The following SLC11A2 variants were observed in gnomAD, a reference collection of about 807,000 sequenced individuals.
SLC11A2 encodes the protein solute carrier family 11 member 2.
A neutral mutation model predicts 68.0 loss-of-function variants in SLC11A2; 38 were observed. The ratio of observed to expected loss-of-function variants is 0.56; its 90% CI spans 0.43 to 0.73. SLC11A2 has a LOEUF of 0.73. Ranked by LOEUF, SLC11A2 falls within the 30% of genes least tolerant of loss-of-function variation. The probability of loss-of-function intolerance (pLI) is 0.00; values close to 1 mark genes in which losing one functional copy is unlikely to be tolerated. For missense variants in SLC11A2, 517 were observed against 690.5 expected (o/e 0.75, Z 2.82); for synonymous variants, 242 against 250.6 (o/e 0.97, Z 0.32).
chr12:50,981,557 T>C, downstream of SLC11A2: 1 of 594,512 alleles, frequency 1.7e-6, no homozygotes, highest in African/African-American at 1.8e-5. Flanking sequence ...GTCTCTGACC[T>C]ACATTTATAG....
chr12:50,995,156 C>T (rs1161693162), intron 10 of SLC11A2: 1 of 236,612 alleles, frequency 4.2e-6, no homozygotes, highest in Non-Finnish European at 8.3e-6. Context: ...ACTAAAATTA[C>T]AAAAAATTAG....
At chr12:50,991,066 TG>T in intron 14 of SLC11A2, 118 bp from the exon 15 acceptor site, 1 of 908,042 alleles carries the variant, frequency 1.1e-6, no homozygotes, top group Non-Finnish European at 1.8e-6. Flanking sequence ...GTTCTTAATT[TG>T]AAAAAAAATG....
In SLC11A2 at chr12:50,996,902, C is replaced by G; in HGVS notation, c.746G>C (p.Arg249Pro). 6.2e-7 allele frequency: 1 copy of G among 1,613,928 alleles called. No individual in the cohort carries two copies. The highest frequency in any genetic ancestry group is 8.5e-7 in the Non-Finnish European group (1 of 1,179,908). The change falls in exon 9 of 16, where the codon CGC (arginine) becomes CCC (proline). Residue 249 changes from arginine (R) to proline (P), a missense_variant. Arg to Pro is a moderately radical substitution (Grantham distance 103). Transcript: ENST00000262052. ...CACAGCCTGTTCAATCTGTGGAGTG[C>G]GACAGCCTGAACAGGATGGTACGAA... ...GMFVPSCSGC[R>P]TPQIEQAVGI...
the SLC11A2 span, among the ~76,000 whole-genome samples, chr12:50,965,291 T>A: frequency 6.6e-6 from 1 of 151,122 alleles, no homozygotes. Context: ...TTTTTAATTT[T>A]TTTTTTTTTT....
intron 11 of SLC11A2, among the ~76,000 whole-genome samples, chr12:50,994,017 A>AAAAAAAAAAAAAAAT (rs1941457197): frequency 8.3e-6 from 1 of 119,776 alleles, no homozygotes; most frequent in Non-Finnish European, 1.8e-5. Flanking sequence ...AAAAAAAAAA[A>AAAAAAAAAAAAAAAT]GCTGGGGTGT....
the SLC11A2 span, among the ~76,000 whole-genome samples, chr12:50,957,615 T>C: frequency 6.6e-6 from 1 of 151,456 alleles, no homozygotes; most frequent in Non-Finnish European, 1.5e-5. Flanking sequence ...CCAGGCATGG[T>C]GGCTCACGCC....
At chr12:50,984,216 C>T (rs1047409622), downstream of SLC11A2, among the ~76,000 whole-genome samples, 1 of 152,064 alleles carries the variant, frequency 6.6e-6, no homozygotes, top group African/African-American at 2.4e-5. Flanking sequence ...TTACAAACTG[C>T]AGTGTATAAC....
chr12:50,999,436 G>A, intron 6 of SLC11A2, 21 bp from the exon 7 acceptor site: 1 of 1,574,630 alleles, frequency 6.4e-7, no homozygotes, highest in South Asian at 1.1e-5. Context: ...GATGAGATAT[G>A]GAAGTCAGAG....
chr12:51,009,666 A>T (rs953892309), intron 2 of SLC11A2, among the ~76,000 whole-genome samples: 2 of 152,242 alleles, frequency 1.3e-5, no homozygotes, highest in Admixed American at 6.5e-5. Flanking sequence ...AAGAAGCTCC[A>T]ATCAAATACA....
the SLC11A2 span, among the ~76,000 whole-genome samples, chr12:50,966,231 T>C: frequency 6.6e-6 from 1 of 152,200 alleles, no homozygotes; most frequent in Non-Finnish European, 1.5e-5. Flanking sequence ...ATTTCTGGCA[T>C]ACAGAGAACA....
chr12:50,992,090 C>A, intron 13 of SLC11A2, 100 bp downstream of exon 13: 1 of 1,166,226 alleles, frequency 8.6e-7, no homozygotes, highest in Non-Finnish European at 1.3e-6. Flanking sequence ...CTCTGTCTTC[C>A]TCTCAATATC....
At chr12:50,984,323 A>G (rs1940336761), downstream of SLC11A2, among the ~76,000 whole-genome samples, 1 of 152,180 alleles carries the variant, frequency 6.6e-6, no homozygotes, top group Admixed American at 6.6e-5. Context: ...AAAACACTGT[A>G]TTACACTGGC....
the SLC11A2 span, among the ~76,000 whole-genome samples, chr12:50,958,302 G>C: frequency 8.5e-6 from 1 of 118,062 alleles, no homozygotes; most frequent in African/African-American, 3.5e-5. Flanking sequence ...TTTTTTTTTA[G>C]ACGGAGTCTT....
At position 51,008,239 on chromosome 12, in the gene SLC11A2, T is replaced by C. The variant is rs1180374871; in HGVS notation, c.183+237A>G. ...TTAGATAGACAGATAGATAGATAGA[T>C]AGATAGATAGATAGATAGATAGACG... On this transcript the variant is annotated intron_variant, in intron 3 of 15. Coordinates refer to ENST00000262052, the MANE Select transcript of SLC11A2 (RefSeq NM_000617.3). 4.8e-5 allele frequency: 20 copies of C among 417,186 alleles called. No individual in the cohort carries two copies. The Admixed American group carries it at 7.4e-4, about 16-fold the overall frequency. 25.8% of individuals were successfully genotyped at this position (417,186 alleles called of 1,614,324 possible).
At chr12:51,023,094 T>C (rs1944154049) in intron 1 of SLC11A2, among the ~76,000 whole-genome samples, 1 of 152,236 alleles carries the variant, frequency 6.6e-6, no homozygotes, top group Non-Finnish European at 1.5e-5. Flanking sequence ...CTCTTCTTTG[T>C]GTCTCAAGGG....
Position 50,987,457 on chromosome 12 carries a change from GA to G in SLC11A2, c.*867del, listed in dbSNP as rs992162970. 1.7e-5 allele frequency: 22 copies of G among 1,286,934 alleles called. No homozygotes were observed. In the African/African-American group the frequency reaches 3.2e-4, roughly 19 times the overall value. 79.7% of individuals were successfully genotyped at this position (1,286,934 alleles called of 1,614,324 possible). A position where few individuals can be genotyped will look rare whatever the true frequency, so the allele number is the denominator to read the frequency against. ...TTTCTCCCCACCCTCAACATTTCAC[GA>G]GAACATCAGTTCATAAATACTACCA... On this transcript the variant is annotated 3_prime_UTR_variant, in exon 16 of 16. Coordinates refer to ENST00000262052, the MANE Select transcript of SLC11A2 (RefSeq NM_000617.3).
upstream of SLC11A2, among the ~76,000 whole-genome samples, chr12:51,027,374 C>T (rs901398731): frequency 8.6e-5 from 13 of 151,958 alleles, no homozygotes; most frequent in African/African-American, 3.1e-4. Context: ...GGAACATTTC[C>T]TCGCGCCCCC....
At chr12:50,980,512 CA>C (rs1939964640), downstream of SLC11A2, 1 of 151,614 alleles carries the variant, frequency 6.6e-6, no homozygotes, top group Admixed American at 6.6e-5. Flanking sequence ...TAACAACAAA[CA>C]ACAACAACAA....
chr12:50,953,162 A>G, the SLC11A2 span, among the ~76,000 whole-genome samples: 1 of 152,150 alleles, frequency 6.6e-6, no homozygotes, highest in Non-Finnish European at 1.5e-5. Flanking sequence ...GAAATTGCAC[A>G]TCGTGTCCTG....
Sources: allele counts gnomAD v4.1 joint callset (sites outside exome capture counted in the v4.1 genomes callset), GRCh38; gene constraint gnomAD v4.1.1; transcripts MANE v1.5; gene names NCBI Gene and HGNC (gene_info 2026-07-23, HGNC 2026-07-21).